Variants in DOCK5 observed in about 807,000 individuals in gnomAD.
The protein encoded by DOCK5 is dedicator of cytokinesis 5, also known as dedicator of cytokinesis protein 5.
DOCK5 carries 142 observed loss-of-function variants against 251.8 expected under a neutral mutation model. The observed-to-expected ratio is 0.56, with a 90% CI of 0.49 to 0.65. DOCK5 has a LOEUF of 0.65. Ranked by LOEUF, DOCK5 falls within the 30% of genes least tolerant of loss-of-function variation. DOCK5 has a pLI of 0.00. For missense variants in DOCK5, 2,111 were observed against 2,312.3 expected (o/e 0.91, Z 1.79); for synonymous variants, 842 against 835.5 (o/e 1.01, Z -0.13).
At position 25,320,754 on chromosome 8, in the gene DOCK5, A is replaced by T. The variant is rs144106547; in HGVS notation, c.1543-226A>T. Among the ~76,000 whole-genome samples the T allele has an allele frequency of 5.5e-3, 832 of 152,334 alleles. 5 individuals are homozygous for T. Among genetic ancestry groups the T allele is most frequent in the African/African-American group, 0.011 (472 of 41,560 alleles). ...GTTTCTTACTTCAGAAAATGCTAGA[A>T]ATTCACAGTATCCCTATGCTCAGAA... On this transcript the variant is annotated intron_variant, in intron 15 of 51. Coordinates refer to ENST00000276440, the MANE Select transcript of DOCK5 (RefSeq NM_024940.8).
chr8:25,279,593 T>C (rs565230928), intron 5 of DOCK5, among the ~76,000 whole-genome samples: 2 of 151,914 alleles, frequency 1.3e-5, no homozygotes, highest in South Asian at 2.1e-4. Flanking sequence ...AATGTTAACA[T>C]TGGAATCCAC....
chr8:25,375,577 C>A, intron 37 of DOCK5: 2 of 586,602 alleles, frequency 3.4e-6, no homozygotes, highest in Non-Finnish European at 4.3e-6. Flanking sequence ...CCACCTTGGT[C>A]CATCCCGTAA....
intron 1 of DOCK5, among the ~76,000 whole-genome samples, chr8:25,203,339 G>A (rs907562391): frequency 3.9e-5 from 6 of 152,166 alleles, no homozygotes; most frequent in Non-Finnish European, 7.4e-5. Flanking sequence ...TATCTTTGGC[G>A]GAATTAGATT....
intron 1 of DOCK5, among the ~76,000 whole-genome samples, chr8:25,241,841 A>G (rs574388723): frequency 3.9e-5 from 6 of 152,306 alleles, no homozygotes; most frequent in African/African-American, 9.6e-5. Context: ...GGATGAGTTC[A>G]TGTCCTTTGC....
chr8:25,187,289 ATATACATATATATGTATATATG>A (rs1290028916), intron 1 of DOCK5, among the ~76,000 whole-genome samples: 23 of 149,190 alleles, frequency 1.5e-4, no homozygotes, highest in African/African-American at 5.5e-4. Flanking sequence ...GTATATATGT[ATATACATATATATGTATATATG>A]CGTATATGTG....
At position 25,345,533 on chromosome 8, in the gene DOCK5, C is replaced by A; in HGVS notation, c.2676C>A (p.Asp892Glu). The part of the protein sequence containing the change: ...LTDQLSGQLD[D>E]NSNKPDHEAS... The stretch of plus-strand genomic sequence containing the variant: ...ACCAGCTCAGCGGCCAGTTAGATGA[C>A]AACTCCAACAAGCCTGACCACGAGG... The change falls in exon 26 of 52, where the codon GAC becomes GAA. Residue 892 changes from aspartate (D) to glutamate (E), a missense_variant. Around this residue, in one of 3 missense-constraint regions of DOCK5, gnomAD observed 1,717 missense variants for 1,892.4 expected, o/e 0.91. Coordinates refer to ENST00000276440, the MANE Select transcript of DOCK5 (RefSeq NM_024940.8). 1 of 1,613,914 alleles carries A rather than the reference C, an allele frequency of 6.2e-7. No homozygotes were observed. Among genetic ancestry groups the A allele is most frequent in the Non-Finnish European group, 8.5e-7 (1 of 1,179,894 alleles).
chr8:25,366,811 A>T, intron 30 of DOCK5, 59 bp from the exon 31 acceptor site: 3 of 1,284,250 alleles, frequency 2.3e-6, no homozygotes, highest in Non-Finnish European at 3.4e-6. Context: ...TTGTTTTATT[A>T]TGGCCCTTAT....
Position 25,400,003 on chromosome 8 carries a change from C to T in DOCK5, c.4788+9C>T, listed in dbSNP as rs80257669. The T allele has an allele frequency of 8.9e-3, 14,261 of 1,611,194 alleles. 93 individuals are homozygous for T. The highest frequency in any genetic ancestry group is 9.9e-3 in the Non-Finnish European group (11,690 of 1,178,032). ...GACTAATAGCATTACAGGTACAGGA[C>T]GGCTTTCCTCTACACTCCCAGGGAG... On this transcript the variant is annotated intron_variant, in intron 46 of 51. Transcript: ENST00000276440.
At chr8:25,323,795 T>G (rs1421008887) in intron 16 of DOCK5, 53 bp from the exon 17 acceptor site, 1 of 1,573,814 alleles carries the variant, frequency 6.4e-7, no homozygotes, top group Admixed American at 1.8e-5. Context: ...GTCATAGCCA[T>G]CGCCTCCTGG....
At chr8:25,370,344 A>G (rs1478875453) in intron 34 of DOCK5, among the ~76,000 whole-genome samples, 1 of 152,200 alleles carries the variant, frequency 6.6e-6, no homozygotes, top group Non-Finnish European at 1.5e-5. Flanking sequence ...CTGCTTATCC[A>G]ACACTTCATT....
chr8:25,302,630 T>C (rs1432189256), intron 10 of DOCK5, among the ~76,000 whole-genome samples, 176 bp downstream of exon 10: 1 of 152,182 alleles, frequency 6.6e-6, no homozygotes, highest in East Asian at 1.9e-4. Flanking sequence ...AGCAGTATTA[T>C]TCACAATAGG....
chr8:25,240,306 A>C (rs918279367), intron 1 of DOCK5, among the ~76,000 whole-genome samples: 3 of 151,994 alleles, frequency 2.0e-5, no homozygotes, highest in Non-Finnish European at 2.9e-5. Flanking sequence ...GCTTCCGTCA[A>C]GTGTAATTTA....
At chr8:25,298,243 A>T (rs1455136754) in intron 7 of DOCK5, among the ~76,000 whole-genome samples, 2 of 152,062 alleles carry the variant, frequency 1.3e-5, no homozygotes, top group Non-Finnish European at 2.9e-5. Context: ...TTGTGTTCTG[A>T]ATCCAATGGC....
At position 25,382,765 on chromosome 8, in the gene DOCK5, C is replaced by T. The variant is rs536521952; in HGVS notation, c.4118C>T (p.Pro1373Leu). The part of the protein sequence containing the change: ...FAVGYYGQGF[P>L]SFLRNKIFIY... Reference sequence around the variant, plus strand: ...GTTGGATACTATGGACAGGGCTTTCCTTCTTTCCTACGGGTAAGAAACCTG... The same window carrying T: ...GTTGGATACTATGGACAGGGCTTTCTTTCTTTCCTACGGGTAAGAAACCTG... The change falls in exon 40 of 52, where the codon CCT becomes CTT. Residue 1373 changes from proline (P) to leucine (L), a missense_variant. This residue lies in a region of DOCK5 where 1,717 missense variants were observed against 1,892.4 expected (regional missense o/e 0.91). Coordinates refer to ENST00000276440, the MANE Select transcript of DOCK5 (RefSeq NM_024940.8). 6.2e-7 allele frequency: 1 copy of T among 1,613,304 alleles called. No individual in the cohort carries two copies. The highest frequency in any genetic ancestry group is 2.2e-5 in the East Asian group (1 of 44,856).
At chr8:25,297,296 T>C (rs997794519) in intron 7 of DOCK5, among the ~76,000 whole-genome samples, 1 of 151,154 alleles carries the variant, frequency 6.6e-6, no homozygotes, top group African/African-American at 2.4e-5. Flanking sequence ...AGATGGAGTC[T>C]TGCTCTGTTG....
rs776618671 is a variant in DOCK5, at chr8:25,382,678, A to G, written c.4031A>G (p.Lys1344Arg). 6.2e-7 allele frequency: 1 copy of G among 1,608,348 alleles called. No homozygotes were observed. Among genetic ancestry groups the G allele is most frequent in the Non-Finnish European group, 8.5e-7 (1 of 1,177,406 alleles). The change falls in exon 40 of 52, where the codon AAA becomes AGA. Residue 1344 changes from lysine to arginine, a missense_variant. By Grantham distance (26) the Lys-to-Arg change is conservative (BLOSUM62 2). Transcript: ENST00000276440. Reference sequence around the variant, plus strand: ...ATGTCTTGTTTTGTTTTCCAGAAAAAAAGGGCCTCATTTTATGAGAACATC... The same window carrying G: ...ATGTCTTGTTTTGTTTTCCAGAAAAGAAGGGCCTCATTTTATGAGAACATC... ...DYEGLGNLLK[K>R]RASFYENIIK...
intron 18 of DOCK5, among the ~76,000 whole-genome samples, chr8:25,326,417 A>G (rs867707468): frequency 1.9e-4 from 29 of 152,192 alleles, no homozygotes; most frequent in Admixed American, 8.5e-4. Flanking sequence ...GTTTGTTTCA[A>G]CAAGTCGTGG....
chr8:25,387,286 A>G lies in DOCK5; in HGVS notation c.4132-1805A>G, dbSNP rs545182425. Among the ~76,000 whole-genome samples the G allele has an allele frequency of 4.6e-5, 7 of 151,948 alleles. No individual in the cohort carries two copies. In the South Asian group the frequency reaches 6.2e-4, roughly 14 times the overall value. On this transcript the variant is annotated intron_variant, in intron 40 of 51. Coordinates refer to ENST00000276440, the MANE Select transcript of DOCK5 (RefSeq NM_024940.8). ...AGCCTTGACCTCCCAGGCTCAGGCA[A>G]TCCTGCCTCAGCCTCCTGAGGAGGT...
At chr8:25,237,835 A>G (rs1243593617) in intron 1 of DOCK5, among the ~76,000 whole-genome samples, 1 of 152,222 alleles carries the variant, frequency 6.6e-6, no homozygotes, top group African/African-American at 2.4e-5. Context: ...AGAAGGCGTT[A>G]GAACCAGAGG....
Sources: allele counts gnomAD v4.1 joint callset (sites outside exome capture counted in the v4.1 genomes callset), GRCh38; gene constraint gnomAD v4.1.1; regional missense constraint gnomAD v4.1.1; transcripts MANE v1.5; gene names NCBI Gene and HGNC (gene_info 2026-07-23, HGNC 2026-07-21).